The following ZPBP variants were observed in gnomAD, a reference collection of about 807,000 sequenced individuals.
ZPBP encodes zona pellucida-binding protein 1.
A neutral mutation model predicts 44.8 loss-of-function variants in ZPBP; 26 were observed. That is an observed-to-expected ratio of 0.58 (90% CI 0.43 to 0.81). ZPBP has a LOEUF of 0.81. ZPBP is among the 30% of genes least tolerant of loss of function. The probability of loss-of-function intolerance (pLI) is 0.00; values close to 1 mark genes in which losing one functional copy is unlikely to be tolerated. For missense variants in ZPBP, 409 were observed against 434.0 expected (o/e 0.94, Z 0.51); for synonymous variants, 174 against 153.2 (o/e 1.14, Z -1.00).
chr7:50,071,120 A>AT (rs1314505333), intron 3 of ZPBP, among the ~76,000 whole-genome samples: 1 of 152,180 alleles, frequency 6.6e-6, no homozygotes, highest in Non-Finnish European at 1.5e-5. Context: ...AAAATCCAAA[A>AT]TCACCAATGC....
At chr7:50,052,627 T>C (rs1432775026) in intron 4 of ZPBP, among the ~76,000 whole-genome samples, 2 of 152,168 alleles carry the variant, frequency 1.3e-5, no homozygotes, top group Non-Finnish European at 2.9e-5. Flanking sequence ...TAAATACTTA[T>C]GTCTATAGAA....
intron 2 of ZPBP, among the ~76,000 whole-genome samples, chr7:49,863,581 ACCACC>A (rs1329820879): frequency 3.3e-5 from 5 of 152,030 alleles, no homozygotes; most frequent in Admixed American, 3.3e-4. Context: ...ACAGGTGTGC[ACCACC>A]ATGCCCAGAT....
chr7:49,898,480 G>A (rs1017919510), intron 2 of ZPBP, among the ~76,000 whole-genome samples: 5 of 151,996 alleles, frequency 3.3e-5, no homozygotes, highest in African/African-American at 1.2e-4. Flanking sequence ...TTGTTTGTCT[G>A]ACAAAGTTTT....
chr7:50,031,670 C>G (rs997389203), intron 4 of ZPBP, among the ~76,000 whole-genome samples: 6 of 152,128 alleles, frequency 3.9e-5, no homozygotes, highest in Admixed American at 3.9e-4. Context: ...TACCTCAACA[C>G]TATGCTGCTC....
downstream of ZPBP, among the ~76,000 whole-genome samples, chr7:49,933,549 T>G (rs111516315): frequency 0.014 from 2,194 of 152,318 alleles, 64 homozygotes; most frequent in African/African-American, 0.05. Context: ...ATCCAATTAC[T>G]GGGTATATAC....
intron 3 of ZPBP, among the ~76,000 whole-genome samples, chr7:50,074,487 A>G (rs1267880195): frequency 2.0e-5 from 3 of 151,936 alleles, no homozygotes; most frequent in African/African-American, 7.2e-5. Flanking sequence ...AGAGTAGATG[A>G]AAAAACAAGA....
At chr7:49,852,802 G>A (rs1216104872) in intron 2 of ZPBP, among the ~76,000 whole-genome samples, 1 of 152,190 alleles carries the variant, frequency 6.6e-6, no homozygotes, top group African/African-American at 2.4e-5. Flanking sequence ...CCAGATGTGA[G>A]GAACATTTGG....
chr7:49,985,987 G>C (rs1021735173), intron 6 of ZPBP, among the ~76,000 whole-genome samples: 2 of 152,056 alleles, frequency 1.3e-5, no homozygotes, highest in African/African-American at 4.8e-5. Context: ...TTTTCACTGA[G>C]AGCGTTCTTT....
rs552088242 is a variant in ZPBP, at chr7:50,039,333, T to C, written c.488-8023A>G. ...AACTGGCAGGAGAAATAATTAGCAATATTTGCCACATACCTAGCTTATAAT... is the reference window on the plus strand; with the variant it reads ...AACTGGCAGGAGAAATAATTAGCAACATTTGCCACATACCTAGCTTATAAT... On this transcript the variant is annotated intron_variant, in intron 4 of 7. Coordinates refer to ENST00000046087, the MANE Select transcript of ZPBP (RefSeq NM_007009.3). 2.0e-5 allele frequency among the ~76,000 whole-genome samples: 3 copies of C among 152,110 alleles called. No individual in the cohort carries two copies. In the East Asian group the frequency reaches 5.8e-4, roughly 29 times the overall value.
At chr7:49,921,836 TA>T (rs2128747419) in intron 1 of ZPBP, 1 of 152,326 alleles carries the variant, frequency 6.6e-6, no homozygotes, top group South Asian at 2.1e-4. Flanking sequence ...AAATGTTTTG[TA>T]ATACCTTAAT....
At chr7:50,045,484 CAA>C (rs1800306393) in intron 4 of ZPBP, among the ~76,000 whole-genome samples, 1 of 152,140 alleles carries the variant, frequency 6.6e-6, no homozygotes. Context: ...GCAAAAATCA[CAA>C]GCATTCCTAT....
At chr7:49,886,968 TG>T (rs1339405930) in intron 2 of ZPBP, among the ~76,000 whole-genome samples, 8 of 152,204 alleles carry the variant, frequency 5.3e-5, no homozygotes. Flanking sequence ...TTGTCTTGTT[TG>T]CCTTTACCTT....
chr7:49,913,262 G>C (rs977121455), intron 1 of ZPBP: 3 of 152,158 alleles, frequency 2.0e-5, no homozygotes, highest in African/African-American at 7.2e-5. Flanking sequence ...TGAAGACCAA[G>C]TGCACTCCAC....
intron 2 of ZPBP, among the ~76,000 whole-genome samples, chr7:49,857,009 C>CAAAAAAAAAAAAAAAAAAAAAAA (rs59910243): frequency 7.6e-5 from 4 of 52,764 alleles, no homozygotes; most frequent in Admixed American, 3.9e-4. Flanking sequence ...GATACTGTCT[C>CAAAAAAAAAAAAAAAAAAAAAAA]AAAAAAAAAA....
chr7:50,024,658 G>GGGGCA (rs569397931), intron 5 of ZPBP, among the ~76,000 whole-genome samples: 57 of 151,880 alleles, frequency 3.8e-4, no homozygotes, highest in Non-Finnish European at 6.5e-4. Context: ...TGGTTACCCA[G>GGGGCA]GGGCAGGGCA....
At chr7:49,944,264 G>A in intron 7 of ZPBP, 1 of 354,458 alleles carries the variant, frequency 2.8e-6, no homozygotes, top group African/African-American at 2.2e-5. Flanking sequence ...ATATTCCAGG[G>A]GCTTAATGAT....
chr7:49,876,330 A>G (rs1029471043), intron 2 of ZPBP, among the ~76,000 whole-genome samples: 3 of 152,080 alleles, frequency 2.0e-5, no homozygotes, highest in African/African-American at 7.2e-5. Context: ...AAAAGACCCA[A>G]TTTTTATTTT....
chr7:49,850,780 T>C (rs1790143854), intron 2 of ZPBP, among the ~76,000 whole-genome samples: 1 of 152,338 alleles, frequency 6.6e-6, no homozygotes, highest in African/African-American at 2.4e-5. Flanking sequence ...CTCAGTTACA[T>C]CATGGGTACA....
chr7:49,870,189 A>G (rs1791084998), intron 2 of ZPBP, among the ~76,000 whole-genome samples: 1 of 152,176 alleles, frequency 6.6e-6, no homozygotes, highest in African/African-American at 2.4e-5. Context: ...TCACGAGGTC[A>G]GGAGATCAAG....
Sources: allele counts gnomAD v4.1 joint callset (sites outside exome capture counted in the v4.1 genomes callset), GRCh38; gene constraint gnomAD v4.1.1; transcripts MANE v1.5; gene names NCBI Gene and HGNC (gene_info 2026-07-23, HGNC 2026-07-21).